ITGA9: variants seen among roughly 807,000 people sequenced by gnomAD.
The protein encoded by ITGA9 is integrin alpha-9.
A neutral mutation model predicts 127.8 loss-of-function variants in ITGA9; 56 were observed. The observed-to-expected ratio is 0.44, with a 90% CI of 0.35 to 0.55. The LOEUF is 0.55. ITGA9 is among the 20% of genes least tolerant of loss of function. The pLI is 0.00. For synonymous variants in ITGA9, 508 were observed against 514.5 expected (o/e 0.99, Z 0.17); for missense variants, 1,196 against 1,347.1 (o/e 0.89, Z 1.76).
At chr3:37,639,715 G>A (rs1700314150) in intron 16 of ITGA9, among the ~76,000 whole-genome samples, 1 of 152,140 alleles carries the variant, frequency 6.6e-6, no homozygotes. Context: ...AGTTAAGAAA[G>A]AGCTTGTTGC....
chr3:37,555,448 A>G (rs1032548425), intron 15 of ITGA9, among the ~76,000 whole-genome samples: 2 of 152,234 alleles, frequency 1.3e-5, no homozygotes, highest in Admixed American at 6.5e-5. Context: ...ACTTTTCTAT[A>G]CTTTTAATTA....
chr3:37,544,705 T>G (rs1300422093), intron 15 of ITGA9, among the ~76,000 whole-genome samples: 4 of 152,172 alleles, frequency 2.6e-5, no homozygotes, highest in Non-Finnish European at 5.9e-5. Context: ...AGAGCAGGCC[T>G]GCTTCAGTGA....
intron 25 of ITGA9, among the ~76,000 whole-genome samples, chr3:37,781,114 T>C (rs1047821295): frequency 1.3e-5 from 2 of 152,372 alleles, no homozygotes; most frequent in East Asian, 1.9e-4. Context: ...AAGTTTCTCA[T>C]GCTTTAGCTT....
At chr3:37,708,879 T>C (rs1369983719) in intron 18 of ITGA9, among the ~76,000 whole-genome samples, 1 of 152,228 alleles carries the variant, frequency 6.6e-6, no homozygotes, top group Non-Finnish European at 1.5e-5. Flanking sequence ...TTCAGCATGA[T>C]GGCGTTTAAG....
chr3:37,669,725 A>G (rs1020967851), intron 17 of ITGA9, among the ~76,000 whole-genome samples: 1 of 152,160 alleles, frequency 6.6e-6, no homozygotes, highest in African/African-American at 2.4e-5. Context: ...TAAAAACCAG[A>G]CTTGTGGAGT....
intron 20 of ITGA9, among the ~76,000 whole-genome samples, chr3:37,737,905 C>G (rs548417773): frequency 6.0e-4 from 92 of 152,206 alleles, no homozygotes; most frequent in South Asian, 8.3e-4. Flanking sequence ...TTTTTGTTAA[C>G]CATGTGAAAG....
intron 18 of ITGA9, among the ~76,000 whole-genome samples, chr3:37,715,624 C>T (rs1017292110): frequency 6.6e-6 from 1 of 152,180 alleles, no homozygotes; most frequent in South Asian, 2.1e-4. Flanking sequence ...GGATTAAAAT[C>T]AATATGTAGT....
intron 17 of ITGA9, among the ~76,000 whole-genome samples, chr3:37,660,687 A>G (rs1700525375): frequency 6.6e-6 from 1 of 152,200 alleles, no homozygotes; most frequent in South Asian, 2.1e-4. Flanking sequence ...AAAAGGCTGA[A>G]TAAAAAAGTC....
At chr3:37,517,406 C>G in intron 9 of ITGA9, 98 bp from the exon 10 acceptor site, 1 of 909,462 alleles carries the variant, frequency 1.1e-6, no homozygotes, top group South Asian at 1.4e-5. Context: ...TGTGCTCTAG[C>G]AGGGCAGCAT....
At chr3:37,604,759 A>T (rs1269039795) in intron 15 of ITGA9, among the ~76,000 whole-genome samples, 1 of 152,134 alleles carries the variant, frequency 6.6e-6, no homozygotes, top group East Asian at 1.9e-4. Context: ...CCCCTTTAAG[A>T]CCCTAAAGGG....
At chr3:37,738,430 G>A (rs968837697) in intron 20 of ITGA9, among the ~76,000 whole-genome samples, 1 of 152,160 alleles carries the variant, frequency 6.6e-6, no homozygotes, top group African/African-American at 2.4e-5. Flanking sequence ...AGGATGGGGA[G>A]CACACAAGCA....
chr3:37,811,414 C>T (rs1352862203), intron 27 of ITGA9, among the ~76,000 whole-genome samples: 1 of 152,098 alleles, frequency 6.6e-6, no homozygotes, highest in East Asian at 1.9e-4. Flanking sequence ...GTGACTGGCA[C>T]CTTTAAGAAA....
intron 13 of ITGA9, among the ~76,000 whole-genome samples, chr3:37,531,415 ACCTGTGAAGGTC>A (rs1455627952): frequency 2.0e-5 from 3 of 152,210 alleles, no homozygotes; most frequent in African/African-American, 7.2e-5. Context: ...AAGGAGATGT[ACCTGTGAAGGTC>A]CCTGTGGTCC....
At chr3:37,571,202 TACTGGAGGCAGCGTATCAC>T (rs139883531) in intron 15 of ITGA9, among the ~76,000 whole-genome samples, 2,971 of 152,252 alleles carry the variant, frequency 0.02, 46 homozygotes, top group East Asian at 0.039. Context: ...CAGGGAGATC[TACTGGAGGCAGCGTATCAC>T]ACACTAGTTG....
chr3:37,669,003 G>A (rs1308262596), intron 17 of ITGA9, among the ~76,000 whole-genome samples: 1 of 152,238 alleles, frequency 6.6e-6, no homozygotes. Flanking sequence ...CCACGTGTGA[G>A]ACTTGGGTTT....
At chr3:37,733,059 C>CT (rs1696314281) in intron 19 of ITGA9, 2 of 487,024 alleles carry the variant, frequency 4.1e-6, no homozygotes, top group South Asian at 4.1e-5. Flanking sequence ...ACACCACAGC[C>CT]TCTGCACTTT....
chr3:37,627,007 CAG>C (rs970610822), intron 15 of ITGA9, among the ~76,000 whole-genome samples: 1 of 152,158 alleles, frequency 6.6e-6, no homozygotes, highest in African/African-American at 2.4e-5. Context: ...TTCTGGTTAG[CAG>C]AGTCAGCGGG....
chr3:37,804,434 G>A (rs1697269543), intron 27 of ITGA9, among the ~76,000 whole-genome samples: 1 of 152,212 alleles, frequency 6.6e-6, no homozygotes, highest in Admixed American at 6.5e-5. Context: ...TTCATTTGGA[G>A]GTGGCCCAGG....
At chr3:37,617,706 A>G (rs1388624930) in intron 15 of ITGA9, among the ~76,000 whole-genome samples, 1 of 151,840 alleles carries the variant, frequency 6.6e-6, no homozygotes, top group Non-Finnish European at 1.5e-5. Flanking sequence ...GCTTCATTTC[A>G]TTCATTTGAT....
Sources: gnomAD v4.1 joint callset for allele counts (sites outside exome capture counted in the v4.1 genomes callset) on GRCh38, gnomAD v4.1.1 for gene constraint, MANE v1.5 for transcripts, NCBI Gene and HGNC (gene_info 2026-07-23, HGNC 2026-07-21) for gene names.